GATM: variants seen among roughly 807,000 people sequenced by gnomAD.
The protein encoded by GATM is glycine amidinotransferase, mitochondrial.
In GATM, 23 loss-of-function variants were observed where a neutral mutation model predicts 54.2. The observed-to-expected ratio is 0.42, with a 90% confidence interval of 0.31 to 0.60. The LOEUF is 0.60. GATM is among the 20% of genes least tolerant of loss of function. The pLI is 0.14. For missense variants in GATM, 401 were observed against 544.9 expected (o/e 0.74, Z 2.63); for synonymous variants, 168 against 183.1 (o/e 0.92, Z 0.67).
In GATM at chr15:45,361,514, G is replaced by A. The variant is rs75565512; in HGVS notation, c.*595C>T. On this transcript the variant is annotated 3_prime_UTR_variant, in exon 9 of 9. Coordinates refer to ENST00000396659, the MANE Select transcript of GATM (RefSeq NM_001482.3). ...ACATTCATGGAAAATTCACTTTGAT[G>A]TTTTGCATAGTCTAGGTTATTTTTT... The A allele has an allele frequency of 6.5e-6, 1 of 155,016 alleles. No homozygotes were observed. Among genetic ancestry groups the A allele is most frequent in the East Asian group, 1.9e-4 (1 of 5,332 alleles). 9.6% of individuals were successfully genotyped at this position (155,016 alleles called of 1,614,324 possible). A position where few individuals can be genotyped will look rare whatever the true frequency, so the allele number is the denominator to read the frequency against.
At chr15:45,364,115 C>G in intron 7 of GATM, 99 bp from the exon 8 acceptor site, 1 of 772,116 alleles carries the variant, frequency 1.3e-6, no homozygotes, top group Non-Finnish European at 2.4e-6. Flanking sequence ...TCAGTTCTTT[C>G]AGTAGTTCAC....
rs1889483185 is a variant in GATM at position 45,368,320 on chromosome 15, G to T, written c.485-60C>A. 2.0e-6 allele frequency: 3 copies of T among 1,470,338 alleles called. No homozygotes were observed. Among genetic ancestry groups the T allele is most frequent in the African/African-American group, 1.4e-5 (1 of 72,176 alleles). The allele number at this position is 1,470,338 out of a possible 1,614,324, so 91.1% of individuals were successfully genotyped here. A position where few individuals can be genotyped will look rare whatever the true frequency, so the allele number is the denominator to read the frequency against. On this transcript the variant is annotated intron_variant, in intron 3 of 8. Coordinates refer to ENST00000396659, the MANE Select transcript of GATM (RefSeq NM_001482.3). This position sits in a 1 kb window ranked among gnomAD's most constrained non-coding sequence, Gnocchi z 5.1. The stretch of plus-strand genomic sequence containing the variant: ...AGTGTTAATTTCCAAGACAAAAAAG[G>T]TCTATATAGGGCCAGGCACAGTGGC...
At chr15:45,367,949 A>G in intron 4 of GATM, 121 bp downstream of exon 4, 5 of 750,564 alleles carry the variant, frequency 6.7e-6, no homozygotes, top group Non-Finnish European at 1.1e-5. Context: ...TTTAAAAATA[A>G]GATGATGTTT....
At position 45,369,537 on chromosome 15, in the gene GATM, A is replaced by G; in HGVS notation, c.289-16T>C. 1 of 1,608,066 alleles carries G rather than the reference A, an allele frequency of 6.2e-7. No individual in the cohort carries two copies. The highest frequency in any genetic ancestry group is 8.5e-7 in the Non-Finnish European group (1 of 1,175,004). On this transcript the variant is annotated splice_polypyrimidine_tract_variant and intron_variant, in intron 2 of 8. Coordinates refer to ENST00000396659, the MANE Select transcript of GATM (RefSeq NM_001482.3). ...ATGTGTTGGCCTGGAAGTAGAAGCA[A>G]ATAAACACAATACTTACAGGAGAAA...
chr15:45,363,237 A>G (rs1476920434), intron 8 of GATM, among the ~76,000 whole-genome samples: 1 of 152,128 alleles, frequency 6.6e-6, no homozygotes, highest in African/African-American at 2.4e-5. Context: ...ACGCCACTAC[A>G]CTACAGCCTG....
At chr15:45,378,280 CGAGGGAAGGT>C (rs1889675739) in intron 1 of GATM, 95 bp downstream of exon 1, 1 of 846,450 alleles carries the variant, frequency 1.2e-6, no homozygotes, top group Non-Finnish European at 1.8e-6. Context: ...CTAGGGAAAG[CGAGGGAAGGT>C]GGCGGCTCCG....
chr15:45,361,241 G>A lies in GATM; in HGVS notation c.*868C>T, dbSNP rs1889357364. On this transcript the variant is annotated 3_prime_UTR_variant, in exon 9 of 9. Coordinates refer to ENST00000396659, the MANE Select transcript of GATM (RefSeq NM_001482.3). ...ATTAGTTTTTTTTAATGCTTATAAA[G>A]TCTATGCTCTAAATAATTTGCACAT... is the stretch of plus-strand genomic sequence containing the variant. 2 of 151,980 alleles carry A rather than the reference G, an allele frequency of 1.3e-5. No individual in the cohort carries two copies. The highest frequency in any genetic ancestry group is 2.1e-4 in the South Asian group (1 of 4,830). The allele number at this position is 151,980 out of a possible 1,614,324, so 9.4% of individuals were successfully genotyped here.
At chr15:45,365,942 T>C in intron 6 of GATM, 104 bp downstream of exon 6, 1 of 1,082,378 alleles carries the variant, frequency 9.2e-7, no homozygotes, top group Non-Finnish European at 1.4e-6. Flanking sequence ...GCTGAATCTG[T>C]CATTTAGAAC....
At chr15:45,378,336 G>T in intron 1 of GATM, 49 bp downstream of exon 1, 2 of 1,433,372 alleles carry the variant, frequency 1.4e-6, no homozygotes, top group Non-Finnish European at 1.9e-6. Context: ...GCCGCCCGCA[G>T]GATCGAGTGA....
intron 8 of GATM, among the ~76,000 whole-genome samples, chr15:45,363,136 G>A (rs1337210618): frequency 6.6e-6 from 1 of 152,088 alleles, no homozygotes; most frequent in Non-Finnish European, 1.5e-5. Flanking sequence ...GCCAGGCATG[G>A]TGGTGTATGC....
intron 3 of GATM, among the ~76,000 whole-genome samples, chr15:45,388,479 G>A (rs773694898): frequency 6.6e-6 from 1 of 152,064 alleles, no homozygotes; most frequent in Non-Finnish European, 1.5e-5. Context: ...TTCTTTTTCT[G>A]TTCCAATATC....
chr15:45,369,212 A>G, intron 3 of GATM, 114 bp downstream of exon 3: 1 of 815,232 alleles, frequency 1.2e-6, no homozygotes, highest in Non-Finnish European at 2.1e-6. Flanking sequence ...AAAGTTTTCA[A>G]GAACTAGCAA....
At chr15:45,392,102 G>C (rs760378783) in intron 3 of GATM, among the ~76,000 whole-genome samples, 3 of 152,174 alleles carry the variant, frequency 2.0e-5, no homozygotes, top group Non-Finnish European at 4.4e-5. Flanking sequence ...GTAACTCATA[G>C]AGTTATGATT....
At chr15:45,379,082 G>A (rs1595486915), upstream of GATM, 1 of 152,128 alleles carries the variant, frequency 6.6e-6, no homozygotes, top group East Asian at 1.9e-4. Flanking sequence ...GTACCCCGTC[G>A]GTTGTTATTT....
At chr15:45,372,863 C>T (rs1191308535) in intron 2 of GATM, among the ~76,000 whole-genome samples, 2 of 152,234 alleles carry the variant, frequency 1.3e-5, no homozygotes, top group South Asian at 2.1e-4. Context: ...AAATTGTTTA[C>T]ACTTCCTTTA....
intron 3 of GATM, among the ~76,000 whole-genome samples, chr15:45,391,067 A>C (rs1889867051): frequency 6.6e-6 from 1 of 152,194 alleles, no homozygotes. Flanking sequence ...CTAGTTTCTC[A>C]CCATTCTATT....
At chr15:45,392,592 C>G (rs1342923030) in intron 3 of GATM, among the ~76,000 whole-genome samples, 1 of 152,232 alleles carries the variant, frequency 6.6e-6, no homozygotes, top group Non-Finnish European at 1.5e-5. Flanking sequence ...TAGATAGATT[C>G]TGAGAAGTAG....
intron 6 of GATM, 128 bp from the exon 7 acceptor site, chr15:45,364,988 A>T (rs1889426532): frequency 9.2e-6 from 7 of 761,650 alleles, no homozygotes; most frequent in Middle Eastern, 3.7e-4. Flanking sequence ...CAAAAGAAAG[A>T]AATTAAAATT....
chr15:45,391,948 A>G (rs1052594956), intron 3 of GATM, among the ~76,000 whole-genome samples: 2 of 152,234 alleles, frequency 1.3e-5, no homozygotes, highest in African/African-American at 4.8e-5. Context: ...ACAGTATACC[A>G]TCATAATAAA....
Sources: allele counts gnomAD v4.1 joint callset (sites outside exome capture counted in the v4.1 genomes callset), GRCh38; gene constraint gnomAD v4.1.1; non-coding constraint Gnocchi (gnomAD v3.1); transcripts MANE v1.5; gene names NCBI Gene and HGNC (gene_info 2026-07-23, HGNC 2026-07-21).